The following OPA3 variants were observed in gnomAD, a reference collection of about 807,000 sequenced individuals.
OPA3 encodes outer mitochondrial membrane lipid metabolism regulator OPA3.
OPA3 carries 6 observed loss-of-function variants against 4.0 expected under a neutral mutation model. That is an observed-to-expected ratio of 1.51 (90% confidence interval 0.83 to 2.99). The LOEUF is 2.99. Ranked by LOEUF, OPA3 falls within the 30% of genes most tolerant of loss-of-function variation. The probability of loss-of-function intolerance (pLI) is 0.00; values close to 1 mark genes in which losing one functional copy is unlikely to be tolerated. For missense variants in OPA3, 235 were observed against 256.2 expected (o/e 0.92, Z 0.56); for synonymous variants, 105 against 117.1 (o/e 0.90, Z 0.67).
intron 1 of OPA3, among the ~76,000 whole-genome samples, chr19:45,556,662 C>T (rs1969425718): frequency 2.0e-5 from 3 of 152,158 alleles, no homozygotes; most frequent in Non-Finnish European, 2.9e-5. Flanking sequence ...CCAGCCACTA[C>T]ACATTTTTCA....
At chr19:45,533,099 C>G (rs888881915) in intron 1 of OPA3, among the ~76,000 whole-genome samples, 3 of 151,022 alleles carry the variant, frequency 2.0e-5, no homozygotes, top group African/African-American at 7.3e-5. Context: ...CCATGTTGGT[C>G]AGGCTGGTCT....
At chr19:45,573,655 C>G (rs1175705065) in intron 1 of OPA3, among the ~76,000 whole-genome samples, 1 of 152,064 alleles carries the variant, frequency 6.6e-6, no homozygotes, top group Non-Finnish European at 1.5e-5. Flanking sequence ...AGCAGGCAGC[C>G]TGGTTCGAGG....
At chr19:45,571,906 T>G (rs548829915) in intron 1 of OPA3, among the ~76,000 whole-genome samples, 46 of 152,196 alleles carry the variant, frequency 3.0e-4, no homozygotes, top group African/African-American at 1.0e-3. Flanking sequence ...CTAGAAGTTT[T>G]GTTTAATTCT....
downstream of OPA3, among the ~76,000 whole-genome samples, chr19:45,545,993 T>C (rs1408057860): frequency 6.6e-6 from 1 of 152,024 alleles, no homozygotes; most frequent in Non-Finnish European, 1.5e-5. Context: ...GGATTACAGG[T>C]GTGACAGGCC....
At position 45,553,372 on chromosome 19, in the gene OPA3, T is replaced by C. The variant is rs2122437178; in HGVS notation, c.*142A>G. 2 of 1,561,884 alleles carry C rather than the reference T, an allele frequency of 1.3e-6. No homozygotes were observed. The highest frequency in any genetic ancestry group is 1.8e-5 in the Admixed American group (1 of 55,186). On this transcript the variant is annotated 3_prime_UTR_variant, in exon 2 of 2. Coordinates refer to ENST00000263275, the MANE Select transcript of OPA3 (RefSeq NM_025136.4). Reference sequence around the variant, plus strand: ...CCCAGTGGCAGGTAACGGCTGCTCTTATCAGCAGGGGTAACCAAATGCCAA... The same window carrying C: ...CCCAGTGGCAGGTAACGGCTGCTCTCATCAGCAGGGGTAACCAAATGCCAA...
At chr19:45,572,479 CAT>C (rs1196086479) in intron 1 of OPA3, among the ~76,000 whole-genome samples, 6 of 122,718 alleles carry the variant, frequency 4.9e-5, no homozygotes, top group Admixed American at 2.8e-4. Context: ...ATATAATAAT[CAT>C]ATATATCGAG....
chr19:45,561,504 C>T (rs1275253683), intron 1 of OPA3, among the ~76,000 whole-genome samples: 2 of 152,094 alleles, frequency 1.3e-5, no homozygotes, highest in East Asian at 1.9e-4. Context: ...CTAGAGCCCA[C>T]GATGGCAAGA....
At position 45,553,300 on chromosome 19, in the gene OPA3, G is replaced by A. The variant is rs1969364342; in HGVS notation, c.*214C>T. ...CCTGGTTTGGAGTGGGGGATAGGAG[G>A]TGAAGGATGATGGAGGGGGCTATGT... On this transcript the variant is annotated 3_prime_UTR_variant, in exon 2 of 2. Transcript: ENST00000263275. The A allele has an allele frequency of 9.0e-6, 13 of 1,446,324 alleles. No individual in the cohort carries two copies. Among genetic ancestry groups the A allele is most frequent in the Non-Finnish European group, 7.3e-6 (8 of 1,101,944 alleles). 89.6% of individuals were successfully genotyped at this position (1,446,324 alleles called of 1,614,324 possible).
chr19:45,550,739 C>T lies in OPA3; in HGVS notation c.*2775G>A, dbSNP rs144240983. 13 of 985,962 alleles carry T rather than the reference C, an allele frequency of 1.3e-5. No individual in the cohort carries two copies. The African/African-American group carries it at 1.7e-4, about 13-fold the overall frequency. 61.1% of individuals were successfully genotyped at this position (985,962 alleles called of 1,614,324 possible). Reference sequence around the variant, plus strand: ...TAAGCTCTGTACCCATTGTGGAGATCCACATGGTGGTTCAGGTACAGCCTC... The same window carrying T: ...TAAGCTCTGTACCCATTGTGGAGATTCACATGGTGGTTCAGGTACAGCCTC... On this transcript the variant is annotated 3_prime_UTR_variant, in exon 2 of 2. Coordinates refer to ENST00000263275, the MANE Select transcript of OPA3 (RefSeq NM_025136.4).
chr19:45,554,032 G>C, intron 1 of OPA3, 121 bp from the exon 2 acceptor site: 1 of 752,054 alleles, frequency 1.3e-6, no homozygotes, highest in East Asian at 2.7e-5. Flanking sequence ...AAGACCAGAT[G>C]ATTCTAGCGA....
exon 2 of OPA3, chr19:45,529,199 C>T (rs766535284): frequency 1.2e-6 from 2 of 1,611,518 alleles, no homozygotes; most frequent in Non-Finnish European, 1.7e-6. Context: ...TGCAACTCCT[C>T]GAGCGCCAGC....
chr19:45,562,204 G>A (rs947136264), intron 1 of OPA3, among the ~76,000 whole-genome samples: 3 of 151,190 alleles, frequency 2.0e-5, no homozygotes, highest in Admixed American at 1.3e-4. Context: ...AAAATTAGCC[G>A]GGAGTGGTGA....
chr19:45,580,809 G>A (rs1969844182), intron 1 of OPA3, among the ~76,000 whole-genome samples: 1 of 151,650 alleles, frequency 6.6e-6, no homozygotes, highest in South Asian at 2.1e-4. Flanking sequence ...GTAGAGACAG[G>A]GTTTCACCAT....
intron 1 of OPA3, among the ~76,000 whole-genome samples, chr19:45,562,317 T>A (rs1969514200): frequency 8.4e-6 from 1 of 119,390 alleles, no homozygotes. Flanking sequence ...GCACTCCAGC[T>A]TGGGTGATAC....
chr19:45,534,072 T>A (rs970190284), intron 1 of OPA3, among the ~76,000 whole-genome samples: 1 of 152,204 alleles, frequency 6.6e-6, no homozygotes, highest in African/African-American at 2.4e-5. Flanking sequence ...AACCTTCCAA[T>A]TGAAGGAATC....
At chr19:45,565,737 C>A in intron 1 of OPA3, among the ~76,000 whole-genome samples, 1 of 152,070 alleles carries the variant, frequency 6.6e-6, no homozygotes, top group African/African-American at 2.4e-5. Context: ...CCACCTGCCT[C>A]AGCCTCCCAG....
At chr19:45,579,365 T>C (rs908935247) in intron 1 of OPA3, among the ~76,000 whole-genome samples, 1 of 151,968 alleles carries the variant, frequency 6.6e-6, no homozygotes. Context: ...GGATTACAGG[T>C]GCCTGCCACC....
At chr19:45,575,829 C>T (rs886835262) in intron 1 of OPA3, among the ~76,000 whole-genome samples, 1 of 152,138 alleles carries the variant, frequency 6.6e-6, no homozygotes, top group African/African-American at 2.4e-5. Context: ...TGGTCTTGAA[C>T]CCCTGGGTTC....
At chr19:45,537,798 T>C (rs1969139299) in intron 1 of OPA3, among the ~76,000 whole-genome samples, 1 of 152,132 alleles carries the variant, frequency 6.6e-6, no homozygotes, top group African/African-American at 2.4e-5. Flanking sequence ...GACTAAACTG[T>C]AGCTTCAGCT....
Sources: allele counts gnomAD v4.1 joint callset (sites outside exome capture counted in the v4.1 genomes callset), GRCh38; gene constraint gnomAD v4.1.1; transcripts MANE v1.5; gene names NCBI Gene and HGNC (gene_info 2026-07-23, HGNC 2026-07-21).